DPP10: variants seen among roughly 807,000 people sequenced by gnomAD.
DPP10 encodes the protein dipeptidyl peptidase like 10.
DPP10 carries 33 observed loss-of-function variants against 120.9 expected under a neutral mutation model. The ratio of observed to expected loss-of-function variants is 0.27; its 90% CI spans 0.21 to 0.37. DPP10 has a LOEUF of 0.37. Among genes scored for constraint, DPP10 ranks in the 10% least tolerant of loss-of-function variants. The pLI, the probability that DPP10 is intolerant of heterozygous loss-of-function variation, is 1.00. For missense variants in DPP10, 816 were observed against 942.8 expected (o/e 0.87, Z 1.76); for synonymous variants, 337 against 326.1 (o/e 1.03, Z -0.36).
At chr2:115,063,823 C>T (rs12613546) in intron 1 of DPP10, among the ~76,000 whole-genome samples, 95,965 of 152,008 alleles carry the variant, frequency 0.63, 30,323 homozygotes, top group South Asian at 0.67. Context: ...TAGAGGAAAA[C>T]CTAGGCAATA....
chr2:115,157,260 A>AG (rs1044263898), intron 1 of DPP10, among the ~76,000 whole-genome samples: 10 of 151,790 alleles, frequency 6.6e-5, no homozygotes, highest in East Asian at 1.9e-4. Context: ...AAAAAAAAAA[A>AG]AGAGAGATTT....
At chr2:115,582,692 A>T (rs534548946) in intron 5 of DPP10, among the ~76,000 whole-genome samples, 1 of 152,248 alleles carries the variant, frequency 6.6e-6, no homozygotes, top group Non-Finnish European at 1.5e-5. Context: ...ACTTCATCAC[A>T]TCTCTTAAGA....
intron 1 of DPP10, among the ~76,000 whole-genome samples, chr2:114,898,724 A>G (rs553942087): frequency 3.9e-5 from 6 of 152,318 alleles, no homozygotes; most frequent in South Asian, 2.1e-4. Context: ...TCACTTTTCA[A>G]TAGCTGATTT....
At chr2:114,919,714 A>C (rs1187825996) in intron 1 of DPP10, among the ~76,000 whole-genome samples, 1 of 152,222 alleles carries the variant, frequency 6.6e-6, no homozygotes. Flanking sequence ...ACTGGTCTTC[A>C]ATAACTATTA....
At chr2:114,480,688 C>A (rs1573451731) in intron 1 of DPP10, among the ~76,000 whole-genome samples, 1 of 130,334 alleles carries the variant, frequency 7.7e-6, no homozygotes, top group Non-Finnish European at 1.5e-5. Flanking sequence ...AGGGGAACAT[C>A]ACACACCGGG....
chr2:115,235,758 A>C (rs1207015878), intron 1 of DPP10, among the ~76,000 whole-genome samples: 1 of 152,108 alleles, frequency 6.6e-6, no homozygotes, highest in African/African-American at 2.4e-5. Context: ...ATGGGATTTC[A>C]CCATGTTAGC....
intron 3 of DPP10, among the ~76,000 whole-genome samples, chr2:115,478,030 G>A (rs1174087369): frequency 2.0e-5 from 3 of 152,126 alleles, no homozygotes; most frequent in Non-Finnish European, 2.9e-5. Flanking sequence ...CAGATCTCAT[G>A]TGAACTCGGA....
chr2:115,519,477 GGAAA>G, intron 4 of DPP10, among the ~76,000 whole-genome samples: 1 of 152,150 alleles, frequency 6.6e-6, no homozygotes, highest in Non-Finnish European at 1.5e-5. Context: ...GCAGATGTCA[GGAAA>G]GAGATATAAT....
At chr2:115,330,688 G>C (rs1476908692) in intron 2 of DPP10, among the ~76,000 whole-genome samples, 1 of 152,028 alleles carries the variant, frequency 6.6e-6, no homozygotes. Context: ...TTATTAAATA[G>C]GGAATCCTTT....
chr2:114,606,872 G>GA (rs1558927152), intron 1 of DPP10, among the ~76,000 whole-genome samples: 8 of 152,284 alleles, frequency 5.3e-5, no homozygotes, highest in African/African-American at 1.7e-4. Context: ...GTGTGGTTAA[G>GA]CATATTGTTG....
intron 3 of DPP10, among the ~76,000 whole-genome samples, chr2:115,400,087 A>G (rs1465067820): frequency 6.6e-6 from 1 of 152,044 alleles, no homozygotes; most frequent in Non-Finnish European, 1.5e-5. Context: ...CTCATGGTAA[A>G]TCACTCATTC....
At chr2:115,311,221 C>T (rs955394831) in intron 2 of DPP10, among the ~76,000 whole-genome samples, 1 of 152,170 alleles carries the variant, frequency 6.6e-6, no homozygotes, top group East Asian at 1.9e-4. Context: ...CCTTCTCTCT[C>T]ACTTTACTCA....
At chr2:115,215,197 C>T (rs1305446882) in intron 1 of DPP10, among the ~76,000 whole-genome samples, 3 of 152,120 alleles carry the variant, frequency 2.0e-5, no homozygotes, top group Admixed American at 1.3e-4. Flanking sequence ...CTGGTAAATA[C>T]GTTGTGCTTC....
At chr2:114,565,847 G>T (rs75394371) in intron 1 of DPP10, among the ~76,000 whole-genome samples, 1 of 152,052 alleles carries the variant, frequency 6.6e-6, no homozygotes, top group African/African-American at 2.4e-5. Context: ...GCAGTGCTAG[G>T]CACACATGGA....
chr2:114,840,332 T>A (rs756145376), intron 1 of DPP10, among the ~76,000 whole-genome samples: 11 of 152,026 alleles, frequency 7.2e-5, no homozygotes, highest in Non-Finnish European at 1.6e-4. Flanking sequence ...CCAAAACTCA[T>A]CAAAGAGCTA....
intron 3 of DPP10, among the ~76,000 whole-genome samples, chr2:115,475,228 C>G (rs986890166): frequency 6.6e-6 from 1 of 152,202 alleles, no homozygotes; most frequent in Non-Finnish European, 1.5e-5. Context: ...CCCCACGGAC[C>G]TGTGCAGCCT....
At chr2:115,433,020 T>G (rs1214070299) in intron 3 of DPP10, among the ~76,000 whole-genome samples, 8 of 151,998 alleles carry the variant, frequency 5.3e-5, no homozygotes, top group Non-Finnish European at 1.5e-5. Flanking sequence ...CAACTCTCCC[T>G]GCCCTGAGAA....
intron 1 of DPP10, among the ~76,000 whole-genome samples, chr2:115,179,775 A>G (rs902630770): frequency 6.6e-6 from 1 of 152,184 alleles, no homozygotes; most frequent in African/African-American, 2.4e-5. Context: ...TATTCCATCA[A>G]GTAGTAATGG....
chr2:114,626,621 A>C (rs1410846069), intron 1 of DPP10, among the ~76,000 whole-genome samples: 1 of 152,070 alleles, frequency 6.6e-6, no homozygotes, highest in East Asian at 1.9e-4. Flanking sequence ...AAGCAGATCT[A>C]GTTTGAGAAT....
Sources: allele counts gnomAD v4.1 joint callset (sites outside exome capture counted in the v4.1 genomes callset), GRCh38; gene constraint gnomAD v4.1.1; transcripts MANE v1.5; gene names NCBI Gene and HGNC (gene_info 2026-07-23, HGNC 2026-07-21).